Variants in LHX8 observed in about 807,000 individuals in gnomAD.
The protein encoded by LHX8 is LIM homeobox 8.
LHX8 carries 12 observed loss-of-function variants against 40.3 expected under a neutral mutation model. The ratio of observed to expected loss-of-function variants is 0.30; its 90% CI spans 0.19 to 0.48. The LOEUF is 0.48. LHX8 is among the 20% of genes least tolerant of loss of function. LHX8 has a pLI of 0.99. For synonymous variants in LHX8, 179 were observed against 162.0 expected, an observed-to-expected ratio of 1.10 and a Z score of -0.80; for missense variants, 344 against 433.7, an observed-to-expected ratio of 0.79 and a Z score of 1.84.
intron 7 of LHX8, among the ~76,000 whole-genome samples, chr1:75,153,395 C>T (rs893158519): frequency 3.3e-5 from 5 of 151,086 alleles, no homozygotes; most frequent in South Asian, 2.1e-4. Flanking sequence ...TGAGCCATCA[C>T]GCCTGGCCTT....
At chr1:75,185,910 C>A in the LHX8 span, among the ~76,000 whole-genome samples, 1 of 152,080 alleles carries the variant, frequency 6.6e-6, no homozygotes, top group South Asian at 2.1e-4. Context: ...AATAGCCAAG[C>A]CAAGAGCCAA....
At chr1:75,154,911 G>A (rs149216550) in intron 7 of LHX8, among the ~76,000 whole-genome samples, 1 of 152,282 alleles carries the variant, frequency 6.6e-6, no homozygotes, top group African/African-American at 2.4e-5. Context: ...AATCACTCTT[G>A]AGAGTATACT....
the LHX8 span, among the ~76,000 whole-genome samples, chr1:75,166,669 T>C: frequency 6.6e-6 from 1 of 152,192 alleles, no homozygotes; most frequent in Non-Finnish European, 1.5e-5. Flanking sequence ...AGTTCATCAT[T>C]TGTCTTTCAG....
upstream of LHX8, chr1:75,131,009 T>C: frequency 2.0e-6 from 1 of 492,936 alleles, no homozygotes; most frequent in South Asian, 2.2e-5. Flanking sequence ...TGGCCCACTG[T>C]ACCCTTGGCG....
the LHX8 span, among the ~76,000 whole-genome samples, chr1:75,199,271 C>T: frequency 1.3e-5 from 2 of 152,072 alleles, no homozygotes; most frequent in African/African-American, 2.4e-5. Flanking sequence ...CCTTGGAGAC[C>T]AATGCTTTTC....
At chr1:75,150,789 G>A (rs1422870840) in intron 7 of LHX8, among the ~76,000 whole-genome samples, 1 of 150,650 alleles carries the variant, frequency 6.6e-6, no homozygotes, top group Non-Finnish European at 1.5e-5. Context: ...CAATTCTCCT[G>A]CCTCAGCCTT....
At chr1:75,186,074 C>T in the LHX8 span, among the ~76,000 whole-genome samples, 1 of 152,158 alleles carries the variant, frequency 6.6e-6, no homozygotes, top group Non-Finnish European at 1.5e-5. Context: ...ATTTAATGCT[C>T]ATGGATTGGA....
chr1:75,133,255 AG>A (rs1467048054), upstream of LHX8, among the ~76,000 whole-genome samples: 2 of 152,204 alleles, frequency 1.3e-5, no homozygotes, highest in African/African-American at 4.8e-5. Flanking sequence ...AATGCAATGG[AG>A]GAAAAACTAA....
intron 7 of LHX8, among the ~76,000 whole-genome samples, chr1:75,155,885 A>ATAAC (rs1648749237): frequency 6.6e-6 from 1 of 152,218 alleles, no homozygotes; most frequent in African/African-American, 2.4e-5. Context: ...TCTGACTGGA[A>ATAAC]TAACTGAATC....
At chr1:75,148,990 T>G (rs1648535833) in intron 7 of LHX8, among the ~76,000 whole-genome samples, 1 of 152,244 alleles carries the variant, frequency 6.6e-6, no homozygotes, top group African/African-American at 2.4e-5. Context: ...AAATCAAATT[T>G]TTAAAATGTA....
chr1:75,135,762 G>T (rs1429301511), intron 1 of LHX8, among the ~76,000 whole-genome samples: 1 of 152,192 alleles, frequency 6.6e-6, no homozygotes, highest in Non-Finnish European at 1.5e-5. Context: ...TCAGAGGTTG[G>T]GTGAGTTCTT....
the LHX8 span, among the ~76,000 whole-genome samples, chr1:75,181,626 G>A: frequency 1.3e-5 from 2 of 152,172 alleles, no homozygotes; most frequent in African/African-American, 4.8e-5. Context: ...GGCTAGGAAA[G>A]GGAAATCCCC....
chr1:75,166,530 A>G (rs1649040023), downstream of LHX8, among the ~76,000 whole-genome samples: 1 of 152,248 alleles, frequency 6.6e-6, no homozygotes, highest in Non-Finnish European at 1.5e-5. Context: ...CTAGAGAACC[A>G]CTACTAGTTA....
the LHX8 span, among the ~76,000 whole-genome samples, chr1:75,198,745 T>A: frequency 6.6e-6 from 1 of 152,174 alleles, no homozygotes; most frequent in African/African-American, 2.4e-5. Context: ...ATTTTCATAA[T>A]TTTTTTCCTC....
At chr1:75,178,689 C>T in the LHX8 span, among the ~76,000 whole-genome samples, 1 of 152,048 alleles carries the variant, frequency 6.6e-6, no homozygotes, top group African/African-American at 2.4e-5. Context: ...CTGCTCTGAT[C>T]TTAGTTATTT....
At chr1:75,175,650 A>ATTATTTTATT in the LHX8 span, among the ~76,000 whole-genome samples, 9 of 151,378 alleles carry the variant, frequency 5.9e-5, no homozygotes, top group African/African-American at 1.9e-4. Context: ...TTTTGATGGG[A>ATTATTTTATT]TTATTTTATT....
At chr1:75,129,092 CTT>C (rs1647896757) in intron 1 of LHX8, among the ~76,000 whole-genome samples, 1 of 152,206 alleles carries the variant, frequency 6.6e-6, no homozygotes, top group African/African-American at 2.4e-5. Flanking sequence ...TGGATGAGCA[CTT>C]AATTCAACAT....
chr1:75,187,934 C>CA, the LHX8 span, among the ~76,000 whole-genome samples: 2 of 152,020 alleles, frequency 1.3e-5, no homozygotes, highest in Non-Finnish European at 2.9e-5. Context: ...CTGAGGAGCA[C>CA]AAAAAAGAGT....
chr1:75,139,021 AAGTTTG>A (rs1319563556), intron 3 of LHX8, among the ~76,000 whole-genome samples: 1 of 152,140 alleles, frequency 6.6e-6, no homozygotes, highest in African/African-American at 2.4e-5. Flanking sequence ...TCCTGCAGAA[AAGTTTG>A]AGTTTAACTT....
Sources: gnomAD v4.1 joint callset for allele counts (sites outside exome capture counted in the v4.1 genomes callset) on GRCh38, gnomAD v4.1.1 for gene constraint, MANE v1.5 for transcripts, NCBI Gene and HGNC (gene_info 2026-07-23, HGNC 2026-07-21) for gene names.